Variants in TNS3 observed in about 807,000 individuals in gnomAD.
TNS3 encodes the protein tensin 3.
In TNS3, 45 loss-of-function variants were observed where a neutral mutation model predicts 140.9. That is an observed-to-expected ratio of 0.32 (90% CI 0.25 to 0.41). TNS3 has a LOEUF of 0.41. Among genes scored for constraint, TNS3 ranks in the 10% least tolerant of loss-of-function variants. The probability of loss-of-function intolerance (pLI) is 1.00; values close to 1 mark genes in which losing one functional copy is unlikely to be tolerated. For missense variants in TNS3, 1,716 were observed against 1,906.7 expected, an observed-to-expected ratio of 0.90 and a Z score of 1.86; for synonymous variants, 815 against 788.4, an observed-to-expected ratio of 1.03 and a Z score of -0.56.
intron 2 of TNS3, among the ~76,000 whole-genome samples, chr7:47,511,136 A>G (rs1798593322): frequency 6.6e-6 from 1 of 152,230 alleles, no homozygotes; most frequent in South Asian, 2.1e-4. Flanking sequence ...AACTCTACTG[A>G]CACAATTTCA....
intron 17 of TNS3, among the ~76,000 whole-genome samples, chr7:47,354,563 G>A (rs1030651803): frequency 6.6e-6 from 1 of 151,894 alleles, no homozygotes; most frequent in Non-Finnish European, 1.5e-5. Flanking sequence ...AGGCCCAGGT[G>A]CTGGGGAAGA....
intron 1 of TNS3, among the ~76,000 whole-genome samples, chr7:47,572,838 G>A (rs1390222222): frequency 1.5e-4 from 23 of 150,756 alleles, no homozygotes; most frequent in Admixed American, 7.3e-4. Flanking sequence ...GTGCCTGGGC[G>A]ACAGAACGAG....
Position 47,459,284 on chromosome 7 carries a change from G to C in TNS3, c.-75-17229C>G, listed in dbSNP as rs563371684. Among the ~76,000 whole-genome samples the C allele has an allele frequency of 9.8e-5, 15 of 152,320 alleles. 1 individual carries two copies. The highest frequency in any genetic ancestry group is 3.4e-4 in the African/African-American group (14 of 41,564). On this transcript the variant is annotated intron_variant, in intron 4 of 30. Transcript: ENST00000311160. ...GTCCACATCACTAGGACTTCCTCTA[G>C]AAAGTGCTGTGACTTCCAGGACCAC...
intron 4 of TNS3, among the ~76,000 whole-genome samples, chr7:47,467,807 G>A (rs900433059): frequency 6.6e-6 from 1 of 152,146 alleles, no homozygotes; most frequent in Non-Finnish European, 1.5e-5. Flanking sequence ...ATAACAGGAG[G>A]GGCCTGAGCC....
intron 4 of TNS3, among the ~76,000 whole-genome samples, chr7:47,453,646 G>T (rs981319457): frequency 6.6e-5 from 10 of 152,176 alleles, no homozygotes; most frequent in Non-Finnish European, 1.0e-4. Context: ...CAAAAACAGG[G>T]TTAAAGACAA....
chr7:47,478,666 C>A (rs1289399742), intron 4 of TNS3, among the ~76,000 whole-genome samples: 2 of 151,738 alleles, frequency 1.3e-5, no homozygotes, highest in African/African-American at 4.8e-5. Flanking sequence ...AACATATATA[C>A]ACTCACATAT....
rs563752324 is a variant in TNS3, at chr7:47,313,055, A to G, written c.2651-8052T>C. Reference sequence around the variant, plus strand: ...GAGACCATGTGCAAATTACTACTGCATGGAGGAACATGTGAGGTGCAGCTC... The same window carrying G: ...GAGACCATGTGCAAATTACTACTGCGTGGAGGAACATGTGAGGTGCAGCTC... On this transcript the variant is annotated intron_variant, in intron 20 of 30. Transcript: ENST00000311160. 5.3e-5 allele frequency among the ~76,000 whole-genome samples: 8 copies of G among 152,282 alleles called. No individual in the cohort carries two copies. The East Asian group carries it at 1.5e-3, about 29-fold the overall frequency.
intron 16 of TNS3, among the ~76,000 whole-genome samples, chr7:47,371,405 TC>T (rs1791064273): frequency 6.6e-6 from 1 of 152,176 alleles, no homozygotes. Flanking sequence ...TTGCCCAAGG[TC>T]AGGCAGCTGC....
intron 20 of TNS3, among the ~76,000 whole-genome samples, chr7:47,336,617 CT>C (rs1318933742): frequency 2.0e-5 from 3 of 152,232 alleles, no homozygotes; most frequent in Non-Finnish European, 4.4e-5. Context: ...TCCCAGGCCA[CT>C]TGGCACGGAA....
At chr7:47,449,754 C>T (rs1584687643) in intron 4 of TNS3, among the ~76,000 whole-genome samples, 1 of 152,088 alleles carries the variant, frequency 6.6e-6, no homozygotes, top group Non-Finnish European at 1.5e-5. Flanking sequence ...TACAGGCGCC[C>T]GCCACCACAC....
intron 4 of TNS3, among the ~76,000 whole-genome samples, chr7:47,458,848 T>C (rs552111856): frequency 6.6e-6 from 1 of 152,336 alleles, no homozygotes; most frequent in African/African-American, 2.4e-5. Flanking sequence ...CTACTTTCAT[T>C]CTTATGATAA....
At chr7:47,470,467 C>T (rs777788619) in intron 4 of TNS3, 8 of 985,446 alleles carry the variant, frequency 8.1e-6, no homozygotes, top group Non-Finnish European at 9.6e-6. Context: ...CTGCTGCAGA[C>T]GTCCAGTCAT....
intron 23 of TNS3, 90 bp from the exon 24 acceptor site, chr7:47,297,303 ACT>A: frequency 3.4e-6 from 5 of 1,466,308 alleles, no homozygotes; most frequent in Non-Finnish European, 4.6e-6. Context: ...CTCTCCCCTT[ACT>A]CTTTTTGCAA....
At chr7:47,486,353 T>C (rs73695346) in intron 3 of TNS3, among the ~76,000 whole-genome samples, 25,491 of 151,882 alleles carry the variant, frequency 0.17, 2,191 homozygotes, top group Non-Finnish European at 0.19. Flanking sequence ...TGTGTGTGTA[T>C]TGATGTGAGA....
intron 27 of TNS3, 46 bp from the exon 28 acceptor site, chr7:47,283,911 C>T (rs759101773): frequency 1.3e-6 from 2 of 1,489,620 alleles, no homozygotes; most frequent in South Asian, 1.4e-5. Context: ...ACTATTGGGA[C>T]AGGTGTGTCC....
At position 47,344,706 on chromosome 7, in the gene TNS3, T is replaced by G. The variant is rs944186368; in HGVS notation, c.2650+49A>C. The G allele has an allele frequency of 3.2e-6, 5 of 1,551,896 alleles. No individual in the cohort carries two copies. The African/African-American group carries it at 6.8e-5, about 21-fold the overall frequency. On this transcript the variant is annotated intron_variant, in intron 20 of 30. Transcript: ENST00000311160. ...CTCTGTAAAAATGGCGACCCCGCGATGCAGCGCCTGAGTGCCGCGCGCCTG... is the reference window on the plus strand; with the variant it reads ...CTCTGTAAAAATGGCGACCCCGCGAGGCAGCGCCTGAGTGCCGCGCGCCTG...
chr7:47,414,681 A>C (rs1562710319), intron 11 of TNS3, among the ~76,000 whole-genome samples: 1 of 152,064 alleles, frequency 6.6e-6, no homozygotes, highest in Non-Finnish European at 1.5e-5. Context: ...ATTTTAAAGG[A>C]GGAGGAGGAG....
rs557956206 is a variant in TNS3, at chr7:47,457,024, TAATCTCTCTTTATAA to T, written c.-75-14984_-75-14970del. On this transcript the variant is annotated intron_variant, in intron 4 of 30. Transcript: ENST00000311160. ...TTACCCCTTTCTTTTAAGAAAATGA[TAATCTCTCTTTATAA>T]ATGTCTTTTAAAATATTCAGTGTGG... 5.3e-3 allele frequency among the ~76,000 whole-genome samples: 793 copies of T among 150,808 alleles called. 11 individuals carry two copies. The highest frequency in any genetic ancestry group is 0.019 in the African/African-American group (763 of 40,906).
chr7:47,488,826 G>A (rs1243825615), intron 3 of TNS3, among the ~76,000 whole-genome samples: 1 of 152,186 alleles, frequency 6.6e-6, no homozygotes, highest in Non-Finnish European at 1.5e-5. Context: ...CATGCCGAAG[G>A]TGGCCTTACT....
Sources: allele counts gnomAD v4.1 joint callset (sites outside exome capture counted in the v4.1 genomes callset), GRCh38; gene constraint gnomAD v4.1.1; transcripts MANE v1.5; gene names NCBI Gene and HGNC (gene_info 2026-07-23, HGNC 2026-07-21).